The following NINL variants were observed in gnomAD, a reference collection of about 807,000 sequenced individuals.
NINL encodes the protein ninein like.
In NINL, 153 loss-of-function variants were observed where a neutral mutation model predicts 160.3. That is an observed-to-expected ratio of 0.95 (90% CI 0.84 to 1.09). The LOEUF is 1.09. NINL is among the 50% of genes least tolerant of loss of function. The pLI is 0.00. For synonymous variants in NINL, 800 were observed against 734.8 expected (o/e 1.09, Z -1.43); for missense variants, 1,829 against 1,764.0 (o/e 1.04, Z -0.66).
At chr20:25,515,418 A>G (rs1311203342) in intron 3 of NINL, among the ~76,000 whole-genome samples, 1 of 152,146 alleles carries the variant, frequency 6.6e-6, no homozygotes, top group African/African-American at 2.4e-5. Context: ...TTTTTATTCT[A>G]CAGGCTCATA....
chr20:25,503,724 C>G (rs1455801457), intron 7 of NINL, among the ~76,000 whole-genome samples: 1 of 152,226 alleles, frequency 6.6e-6, no homozygotes, highest in Non-Finnish European at 1.5e-5. Context: ...AGGTAACTCC[C>G]CTAGTGACAC....
chr20:25,519,096 CAA>C (rs60327668), intron 2 of NINL, among the ~76,000 whole-genome samples: 7 of 91,918 alleles, frequency 7.6e-5, no homozygotes, highest in Admixed American at 1.3e-4. Context: ...GACTCTGTCT[CAA>C]AAAAAAAAAA....
intron 13 of NINL, 120 bp downstream of exon 13, chr20:25,489,124 G>C (rs1363122277): frequency 2.1e-6 from 2 of 975,578 alleles, no homozygotes; most frequent in African/African-American, 3.2e-5. Context: ...CCATGGTCAA[G>C]CATGGCCGCA....
At chr20:25,478,248 G>A (rs999888968) in intron 16 of NINL, among the ~76,000 whole-genome samples, 3 of 152,148 alleles carry the variant, frequency 2.0e-5, no homozygotes, top group African/African-American at 4.8e-5. Flanking sequence ...GCATCCGGCC[G>A]GAAAGATGAC....
At chr20:25,454,900 G>C (rs535694621) in intron 23 of NINL, among the ~76,000 whole-genome samples, 1 of 152,246 alleles carries the variant, frequency 6.6e-6, no homozygotes, top group African/African-American at 2.4e-5. Context: ...TCTTTTAAAA[G>C]ATAGATCCTG....
intron 18 of NINL, among the ~76,000 whole-genome samples, chr20:25,468,525 C>T (rs2062980857): frequency 9.9e-6 from 1 of 101,184 alleles, no homozygotes; most frequent in Non-Finnish European, 2.2e-5. Context: ...CTGGTTGGCA[C>T]TGCCCTGCCC....
chr20:25,512,761 C>A lies in NINL; in HGVS notation c.450+73G>T, dbSNP rs1213919733. 2.0e-6 allele frequency: 3 copies of A among 1,503,818 alleles called. No individual in the cohort carries two copies. In the African/African-American group the frequency reaches 4.2e-5, roughly 21 times the overall value. The allele number at this position is 1,503,818 out of a possible 1,614,324, so 93.2% of individuals were successfully genotyped here. ...CCCCATATCTTGTGATTATGTGCTA[C>A]AAAAAGGGATGAAGGGAAGCATTTG... On this transcript the variant is annotated intron_variant, in intron 4 of 23. Transcript: ENST00000278886.
At chr20:25,496,541 A>T in intron 10 of NINL, 122 bp downstream of exon 10, 1 of 1,174,504 alleles carries the variant, frequency 8.5e-7, no homozygotes, top group Non-Finnish European at 1.2e-6. Context: ...CAGGTGAAAT[A>T]GGGGGGTCTC....
At chr20:25,506,331 T>C (rs2063961842) in intron 5 of NINL, among the ~76,000 whole-genome samples, 1 of 152,196 alleles carries the variant, frequency 6.6e-6, no homozygotes, top group Non-Finnish European at 1.5e-5. Context: ...AATAGCTTAA[T>C]TTTTGAAAAC....
intron 1 of NINL, among the ~76,000 whole-genome samples, chr20:25,565,858 CTCT>C (rs1356156472): frequency 1.3e-5 from 2 of 152,282 alleles, no homozygotes; most frequent in African/African-American, 4.8e-5. Context: ...CTGCCATGCA[CTCT>C]TCCTCTCCTG....
chr20:25,508,272 G>C (rs2064000435), intron 5 of NINL, among the ~76,000 whole-genome samples: 1 of 152,250 alleles, frequency 6.6e-6, no homozygotes, highest in African/African-American at 2.4e-5. Flanking sequence ...CCAGGGCAAT[G>C]CCCTCTATCC....
chr20:25,538,667 C>G (rs921147976), intron 1 of NINL, among the ~76,000 whole-genome samples: 2 of 151,686 alleles, frequency 1.3e-5, no homozygotes, highest in Non-Finnish European at 2.9e-5. Flanking sequence ...AAAGGGCTGG[C>G]GAGCACAGAA....
chr20:25,501,796 A>T (rs2063872848), intron 7 of NINL, among the ~76,000 whole-genome samples: 1 of 151,982 alleles, frequency 6.6e-6, no homozygotes, highest in South Asian at 2.1e-4. Context: ...CCGCACCTAG[A>T]TAATTTTCAA....
intron 3 of NINL, among the ~76,000 whole-genome samples, chr20:25,515,947 A>AT (rs997912426): frequency 1.8e-4 from 27 of 150,172 alleles, no homozygotes; most frequent in South Asian, 1.1e-3. Context: ...ATTTTTTTGT[A>AT]TTTTTTTTTA....
intron 23 of NINL, among the ~76,000 whole-genome samples, chr20:25,454,065 A>G (rs575111150): frequency 1.7e-4 from 26 of 152,046 alleles, no homozygotes; most frequent in Non-Finnish European, 3.7e-4. Context: ...CCAAAAAAAA[A>G]AGAAATCTGA....
chr20:25,480,804 C>T (rs568382946), intron 14 of NINL, among the ~76,000 whole-genome samples: 68 of 152,302 alleles, frequency 4.5e-4, no homozygotes, highest in Middle Eastern at 3.4e-3. Context: ...CTGAGACTGA[C>T]GGGCAGGGAG....
chr20:25,561,195 C>G lies in NINL; in HGVS notation c.-12+24260G>C, dbSNP rs539290156. Reference sequence around the variant, plus strand: ...GCGATTGCAGGCGCGCGCCGCCACGCCTGACGGGTTTTCCTATTTTTTTGG... The same window carrying G: ...GCGATTGCAGGCGCGCGCCGCCACGGCTGACGGGTTTTCCTATTTTTTTGG... On this transcript the variant is annotated intron_variant, in intron 1 of 23. Coordinates refer to ENST00000278886, the MANE Select transcript of NINL (RefSeq NM_025176.6). Among the ~76,000 whole-genome samples, 16 of 152,342 alleles carry G rather than the reference C, an allele frequency of 1.1e-4. No homozygotes were observed. The South Asian group carries it at 3.3e-3, about 32-fold the overall frequency.
At chr20:25,576,798 G>A (rs1425230616) in intron 1 of NINL, among the ~76,000 whole-genome samples, 3 of 152,156 alleles carry the variant, frequency 2.0e-5, no homozygotes, top group Non-Finnish European at 4.4e-5. Flanking sequence ...AATGATAAGA[G>A]TCTTACTTTA....
At chr20:25,533,139 A>C (rs1240931852) in intron 1 of NINL, among the ~76,000 whole-genome samples, 1 of 152,194 alleles carries the variant, frequency 6.6e-6, no homozygotes, top group African/African-American at 2.4e-5. Context: ...TGAACCCCGC[A>C]GAACTGTGGA....
Sources: gnomAD v4.1 joint callset for allele counts (sites outside exome capture counted in the v4.1 genomes callset) on GRCh38, gnomAD v4.1.1 for gene constraint, MANE v1.5 for transcripts, NCBI Gene and HGNC (gene_info 2026-07-23, HGNC 2026-07-21) for gene names.